Variants in LRP1B observed in about 807,000 individuals in gnomAD.
LRP1B encodes LDL receptor related protein 1B.
LRP1B carries 217 observed loss-of-function variants against 556.6 expected under a neutral mutation model. That is an observed-to-expected ratio of 0.39 (90% CI 0.35 to 0.44). LRP1B has a LOEUF of 0.44. Ranked by LOEUF, LRP1B falls within the 20% of genes least tolerant of loss-of-function variation. LRP1B has a pLI of 1.00. For synonymous variants in LRP1B, 2,047 were observed against 1,865.8 expected (o/e 1.10, Z -2.50); for missense variants, 5,053 against 5,620.8 (o/e 0.90, Z 3.23).
At chr2:141,849,044 G>A (rs1356589950) in intron 1 of LRP1B, among the ~76,000 whole-genome samples, 1 of 151,588 alleles carries the variant, frequency 6.6e-6, no homozygotes, top group Non-Finnish European at 1.5e-5. Context: ...TTTTACTCAT[G>A]TTAATTTTTA....
intron 3 of LRP1B, among the ~76,000 whole-genome samples, chr2:141,294,548 C>A (rs886852362): frequency 1.5e-4 from 23 of 151,436 alleles, no homozygotes; most frequent in Admixed American, 1.1e-3. Context: ...CATAACAAGA[C>A]CCTGACTCTA....
chr2:141,871,278 C>T (rs956913494), intron 1 of LRP1B, among the ~76,000 whole-genome samples: 9 of 151,874 alleles, frequency 5.9e-5, no homozygotes, highest in Non-Finnish European at 1.0e-4. Context: ...TGGTTGATGT[C>T]TATAATCTTA....
chr2:141,185,725 A>G (rs538375663), intron 7 of LRP1B, among the ~76,000 whole-genome samples: 75 of 150,970 alleles, frequency 5.0e-4, no homozygotes, highest in Admixed American at 2.2e-3. Context: ...CCAAAAAATT[A>G]TATTTCTTCA....
At chr2:140,409,831 A>G (rs988516384) in intron 66 of LRP1B, among the ~76,000 whole-genome samples, 1 of 152,002 alleles carries the variant, frequency 6.6e-6, no homozygotes, top group Admixed American at 6.6e-5. Flanking sequence ...TACATCATAA[A>G]CCATTCTGAA....
At chr2:141,481,136 TGAAA>T (rs1438511635) in intron 2 of LRP1B, among the ~76,000 whole-genome samples, 4 of 152,188 alleles carry the variant, frequency 2.6e-5, no homozygotes, top group Non-Finnish European at 5.9e-5. Context: ...GAACAGGAAG[TGAAA>T]GAAAGGGCAT....
At chr2:140,624,672 A>AT (rs1189841975) in intron 41 of LRP1B, among the ~76,000 whole-genome samples, 1 of 152,182 alleles carries the variant, frequency 6.6e-6, no homozygotes, top group African/African-American at 2.4e-5. Context: ...TGACAACAGC[A>AT]TAAGACCCTG....
At chr2:141,861,734 A>G (rs1698245546) in intron 1 of LRP1B, among the ~76,000 whole-genome samples, 1 of 152,178 alleles carries the variant, frequency 6.6e-6, no homozygotes. Context: ...GTTTGAGAAC[A>G]GCCTGGCCAA....
chr2:141,492,841 T>G (rs909715297), intron 2 of LRP1B, among the ~76,000 whole-genome samples: 2 of 152,168 alleles, frequency 1.3e-5, no homozygotes, highest in African/African-American at 4.8e-5. Flanking sequence ...CATTTTATGT[T>G]TCAGACCCAA....
intron 3 of LRP1B, among the ~76,000 whole-genome samples, chr2:141,385,760 A>C (rs1238358549): frequency 6.6e-6 from 1 of 152,214 alleles, no homozygotes; most frequent in Non-Finnish European, 1.5e-5. Flanking sequence ...AATACAGTGT[A>C]CAGAAACCTT....
intron 6 of LRP1B, among the ~76,000 whole-genome samples, chr2:141,223,962 C>T (rs1683143939): frequency 6.6e-6 from 1 of 152,166 alleles, no homozygotes; most frequent in Non-Finnish European, 1.5e-5. Context: ...CCACTCAGGA[C>T]ATAGGCACGG....
chr2:140,857,205 G>A (rs999961322), intron 27 of LRP1B, among the ~76,000 whole-genome samples: 1 of 152,066 alleles, frequency 6.6e-6, no homozygotes. Flanking sequence ...ATGTATATTT[G>A]TTTACCTAAT....
intron 1 of LRP1B, among the ~76,000 whole-genome samples, chr2:142,101,529 T>C (rs1706568245): frequency 6.6e-6 from 1 of 152,056 alleles, no homozygotes; most frequent in Admixed American, 6.6e-5. Flanking sequence ...TATAGGATTC[T>C]AGATGACTCT....
intron 1 of LRP1B, among the ~76,000 whole-genome samples, chr2:141,956,300 G>C (rs1173257692): frequency 6.6e-6 from 1 of 152,026 alleles, no homozygotes; most frequent in African/African-American, 2.4e-5. Flanking sequence ...ATTAATGTTT[G>C]TTGTATCTCA....
chr2:140,257,156 G>A (rs138823068), intron 86 of LRP1B, among the ~76,000 whole-genome samples: 1 of 151,962 alleles, frequency 6.6e-6, no homozygotes, highest in African/African-American at 2.4e-5. Context: ...TTGGGATCAA[G>A]TGCTAGGTTG....
At chr2:142,022,752 C>T (rs1028150431) in intron 1 of LRP1B, among the ~76,000 whole-genome samples, 1 of 152,172 alleles carries the variant, frequency 6.6e-6, no homozygotes, top group Admixed American at 6.5e-5. Flanking sequence ...CTCACTGCAA[C>T]CTCCACCTCC....
At chr2:141,628,588 G>A (rs1282995114) in intron 2 of LRP1B, among the ~76,000 whole-genome samples, 3 of 152,140 alleles carry the variant, frequency 2.0e-5, no homozygotes, top group Non-Finnish European at 2.9e-5. Flanking sequence ...CAGTCTTCAA[G>A]CAAGGTTGCC....
intron 1 of LRP1B, among the ~76,000 whole-genome samples, chr2:141,825,705 G>T (rs1037219643): frequency 2.0e-5 from 3 of 152,120 alleles, no homozygotes; most frequent in Non-Finnish European, 4.4e-5. Context: ...AGATAATTAA[G>T]TTCTTCTCTA....
chr2:141,263,096 A>G (rs1258476627), intron 3 of LRP1B, among the ~76,000 whole-genome samples: 1 of 151,962 alleles, frequency 6.6e-6, no homozygotes, highest in South Asian at 2.1e-4. Context: ...GCTCTTCTAC[A>G]TATGTTGTTC....
intron 7 of LRP1B, among the ~76,000 whole-genome samples, chr2:141,086,921 C>T (rs946467245): frequency 1.3e-5 from 2 of 152,034 alleles, no homozygotes; most frequent in African/African-American, 4.8e-5. Context: ...TTGCTGCCAA[C>T]AATACATAAT....
Sources: gnomAD v4.1 joint callset for allele counts (sites outside exome capture counted in the v4.1 genomes callset) on GRCh38, gnomAD v4.1.1 for gene constraint, MANE v1.5 for transcripts, NCBI Gene and HGNC (gene_info 2026-07-23, HGNC 2026-07-21) for gene names.